Variants in N4BP2 observed in about 807,000 individuals in gnomAD.
N4BP2 encodes NEDD4 binding protein 2.
N4BP2 carries 91 observed loss-of-function variants against 152.8 expected under a neutral mutation model. That is an observed-to-expected ratio of 0.60 (90% CI 0.50 to 0.71). N4BP2 has a LOEUF of 0.71. N4BP2 is among the 30% of genes least tolerant of loss of function. N4BP2 has a pLI of 0.00. For synonymous variants in N4BP2, 646 were observed against 705.3 expected (o/e 0.92, Z 1.33); for missense variants, 1,923 against 2,059.1 (o/e 0.93, Z 1.28).
intron 2 of N4BP2, among the ~76,000 whole-genome samples, chr4:40,080,723 T>C (rs1713274592): frequency 6.6e-6 from 1 of 151,894 alleles, no homozygotes; most frequent in African/African-American, 2.4e-5. Flanking sequence ...AGTGGCGTGA[T>C]CTTGGCTCAC....
the N4BP2 span, among the ~76,000 whole-genome samples, chr4:40,182,990 T>TAAATA: frequency 6.6e-6 from 1 of 152,098 alleles, no homozygotes; most frequent in African/African-American, 2.4e-5. Flanking sequence ...TTTAATATTT[T>TAAATA]TTAATATAAA....
At chr4:40,101,408 C>T (rs1715640866) in intron 3 of N4BP2, among the ~76,000 whole-genome samples, 1 of 152,286 alleles carries the variant, frequency 6.6e-6, no homozygotes, top group Non-Finnish European at 1.5e-5. Flanking sequence ...GATCCACCCG[C>T]CTCAGCCTCC....
chr4:40,179,400 A>T, the N4BP2 span, among the ~76,000 whole-genome samples: 2 of 152,180 alleles, frequency 1.3e-5, no homozygotes, highest in Non-Finnish European at 2.9e-5. Context: ...AACGAAAAAC[A>T]TTTTGGAAAA....
At chr4:40,092,044 A>G (rs1460343922) in intron 2 of N4BP2, among the ~76,000 whole-genome samples, 1 of 112,836 alleles carries the variant, frequency 8.9e-6, no homozygotes, top group African/African-American at 3.4e-5. Flanking sequence ...ATATATATAT[A>G]TAGCTGAATT....
Position 40,121,042 on chromosome 4 carries a change from T to TA in N4BP2, c.2932dup (p.Thr978AsnfsTer5), listed in dbSNP as rs1717856313. On this transcript the variant is annotated frameshift_variant, in exon 9 of 18. Transcript: ENST00000261435. LOFTEE classifies it high-confidence loss of function. ...ATGGGCAACACACATCGTTGCCTCT[T>TA]ACTTTTACCAATAGTGCACCAACTG... The TA allele has an allele frequency of 6.2e-7, 1 of 1,613,978 alleles. No homozygotes were observed. Among genetic ancestry groups the TA allele is most frequent in the Non-Finnish European group, 8.5e-7 (1 of 1,180,018 alleles).
chr4:40,080,141 C>T (rs1306658309), intron 2 of N4BP2, among the ~76,000 whole-genome samples: 1 of 151,752 alleles, frequency 6.6e-6, no homozygotes, highest in African/African-American at 2.4e-5. Flanking sequence ...AGATGCTATA[C>T]AAGGTTGTTT....
intron 2 of N4BP2, among the ~76,000 whole-genome samples, chr4:40,078,774 C>G (rs1019024906): frequency 6.6e-6 from 1 of 151,154 alleles, no homozygotes; most frequent in African/African-American, 2.4e-5. Flanking sequence ...GCAGTTCGCC[C>G]ACTGTGGCCT....
In N4BP2 at chr4:40,124,187, T is replaced by C. The variant is rs1579084169; in HGVS notation, c.4312T>C (p.Cys1438Arg). Residue 1438 changes from cysteine (C) to arginine (R), a missense_variant, in exon 11 of 18, where the codon TGT (cysteine) becomes CGT (arginine). By Grantham distance (180) the Cys-to-Arg change is radical. Coordinates refer to ENST00000261435, the MANE Select transcript of N4BP2 (RefSeq NM_018177.6). ...GCGACAAAGACAAGAAGAGGTGTCT[T>C]GTGGCAAGTTTATGCAAGGTAAAGC... ...MERQRQEEVS[C>R]GKFMQDPSLV... 2.5e-6 allele frequency: 4 copies of C among 1,608,994 alleles called. No homozygotes were observed. The highest frequency in any genetic ancestry group is 3.4e-6 in the Non-Finnish European group (4 of 1,176,432).
At chr4:40,189,202 A>G in the N4BP2 span, among the ~76,000 whole-genome samples, 1 of 148,352 alleles carries the variant, frequency 6.7e-6, no homozygotes, top group African/African-American at 2.5e-5. This position sits in a 1 kb window ranked among gnomAD's most constrained non-coding sequence, Gnocchi z 4.3. Context: ...CCATCAAGGG[A>G]GCAGAGAATA....
At chr4:40,129,074 C>T (rs1448834264) in intron 12 of N4BP2, among the ~76,000 whole-genome samples, 2 of 151,888 alleles carry the variant, frequency 1.3e-5, no homozygotes, top group African/African-American at 4.8e-5. Flanking sequence ...TTTTTTGAGA[C>T]ACAGTCTGGC....
At chr4:40,159,311 GA>G (rs1301773596), downstream of N4BP2, among the ~76,000 whole-genome samples, 2 of 152,158 alleles carry the variant, frequency 1.3e-5, no homozygotes, top group African/African-American at 4.8e-5. Flanking sequence ...TCCTTTATAC[GA>G]AAGCTGGTAC....
At chr4:40,078,340 G>A (rs1276663946) in intron 2 of N4BP2, among the ~76,000 whole-genome samples, 2 of 151,864 alleles carry the variant, frequency 1.3e-5, no homozygotes, top group African/African-American at 2.4e-5. Flanking sequence ...GTTTCACCAT[G>A]TTGGCCAGGC....
At chr4:40,058,244 C>T (rs1733379052) in intron 1 of N4BP2, among the ~76,000 whole-genome samples, 1 of 152,168 alleles carries the variant, frequency 6.6e-6, no homozygotes, top group South Asian at 2.1e-4. Context: ...CTCGTTTTAA[C>T]TCTCATCCTT....
At chr4:40,067,503 G>A (rs1441877304) in intron 1 of N4BP2, among the ~76,000 whole-genome samples, 1 of 151,710 alleles carries the variant, frequency 6.6e-6, no homozygotes, top group Non-Finnish European at 1.5e-5. Context: ...GCATGTGCAA[G>A]TATCTCTTGG....
intron 4 of N4BP2, 59 bp downstream of exon 4, chr4:40,103,277 A>G (rs1560596151): frequency 1.4e-6 from 2 of 1,431,232 alleles, no homozygotes; most frequent in East Asian, 2.3e-5. Flanking sequence ...GAACACAAGT[A>G]TGAATAAATA....
chr4:40,078,993 C>T (rs778278392), intron 2 of N4BP2, among the ~76,000 whole-genome samples: 3 of 151,608 alleles, frequency 2.0e-5, no homozygotes, highest in Non-Finnish European at 4.4e-5. Context: ...ACTCTGTTGC[C>T]CAGGCTGGAA....
At chr4:40,070,287 T>C (rs1428049174) in intron 1 of N4BP2, among the ~76,000 whole-genome samples, 1 of 152,182 alleles carries the variant, frequency 6.6e-6, no homozygotes, top group African/African-American at 2.4e-5. Flanking sequence ...TTTTGGACTT[T>C]GACATTTAAA....
chr4:40,082,132 T>A (rs981469827), intron 2 of N4BP2, among the ~76,000 whole-genome samples: 2 of 151,526 alleles, frequency 1.3e-5, no homozygotes, highest in Non-Finnish European at 2.9e-5. Context: ...CAAAATAAAT[T>A]GGGTGTGGTA....
At chr4:40,189,610 G>C in the N4BP2 span, among the ~76,000 whole-genome samples, 9 of 152,140 alleles carry the variant, frequency 5.9e-5, no homozygotes, top group East Asian at 1.7e-3. The surrounding 1 kb of genome is among the most constrained non-coding windows in gnomAD (Gnocchi z 4.3). Context: ...ACATTATGGC[G>C]AGGCGCGGTG....
Sources: gnomAD v4.1 joint callset for allele counts (sites outside exome capture counted in the v4.1 genomes callset) on GRCh38, gnomAD v4.1.1 for gene constraint, Gnocchi (gnomAD v3.1) non-coding constraint, MANE v1.5 for transcripts, NCBI Gene and HGNC (gene_info 2026-07-23, HGNC 2026-07-21) for gene names.